NTNG1: variants seen among roughly 807,000 people sequenced by gnomAD.
NTNG1 encodes the protein netrin-G1.
In NTNG1, 16 loss-of-function variants were observed where a neutral mutation model predicts 54.0. The ratio of observed to expected loss-of-function variants is 0.30; its 90% confidence interval spans 0.20 to 0.45. NTNG1 has a LOEUF of 0.45. NTNG1 is among the 20% of genes least tolerant of loss of function. The probability of loss-of-function intolerance (pLI) is 1.00; values close to 1 mark genes in which losing one functional copy is unlikely to be tolerated. For synonymous variants in NTNG1, 255 were observed against 263.1 expected, an observed-to-expected ratio of 0.97 and a Z score of 0.30; for missense variants, 530 against 678.7, an observed-to-expected ratio of 0.78 and a Z score of 2.43.
At chr1:107,171,598 C>T (rs1317598665) in intron 2 of NTNG1, among the ~76,000 whole-genome samples, 1 of 152,182 alleles carries the variant, frequency 6.6e-6, no homozygotes, top group East Asian at 1.9e-4. Flanking sequence ...TAGAAGCTTC[C>T]AGACTGCCCT....
intron 2 of NTNG1, among the ~76,000 whole-genome samples, chr1:107,252,956 C>T (rs539945970): frequency 6.6e-6 from 1 of 152,294 alleles, no homozygotes; most frequent in South Asian, 2.1e-4. Flanking sequence ...ATCCTGTCAC[C>T]GTCTTTACTG....
At chr1:107,174,368 C>T (rs1465008252) in intron 2 of NTNG1, among the ~76,000 whole-genome samples, 3 of 152,166 alleles carry the variant, frequency 2.0e-5, no homozygotes, top group South Asian at 4.2e-4. Context: ...GAATGTTTGC[C>T]CTTTAGTTTA....
chr1:107,298,473 T>G (rs1002627882), intron 2 of NTNG1, among the ~76,000 whole-genome samples: 5 of 152,176 alleles, frequency 3.3e-5, no homozygotes, highest in African/African-American at 9.6e-5. Context: ...ATAGGTAACA[T>G]AGCAGAGAAT....
intron 5 of NTNG1, among the ~76,000 whole-genome samples, chr1:107,412,248 G>T (rs527304697): frequency 6.6e-6 from 1 of 152,194 alleles, no homozygotes; most frequent in Admixed American, 6.5e-5. Context: ...ATGAATTCCT[G>T]TACTGTGCCA....
At chr1:107,367,848 G>A (rs1316075506) in intron 3 of NTNG1, among the ~76,000 whole-genome samples, 2 of 151,814 alleles carry the variant, frequency 1.3e-5, no homozygotes, top group South Asian at 2.1e-4. Context: ...TGCAGCCTCC[G>A]CCTCCCTGGT....
Position 107,148,827 on chromosome 1 carries a change from G to A in NTNG1, c.234G>A (p.Thr78=), listed in dbSNP as rs769781518. The change falls in exon 2 of 8, where the codon ACG becomes ACA. Residue 78 remains threonine, a synonymous_variant. Transcript: ENST00000370068. The part of the protein sequence containing the change: ...PDITCGDPPE[T]FCAMGNPYMC... Reference sequence around the variant, plus strand: ...TTACCTGTGGAGACCCTCCTGAGACGTTCTGTGCAATGGTGAGGTAACCCT... The same window carrying A: ...TTACCTGTGGAGACCCTCCTGAGACATTCTGTGCAATGGTGAGGTAACCCT... The A allele has an allele frequency of 8.1e-6, 13 of 1,613,448 alleles. No homozygotes were observed. The South Asian group carries it at 1.1e-4, about 14-fold the overall frequency.
chr1:107,355,036 A>T (rs1250657009), intron 3 of NTNG1, among the ~76,000 whole-genome samples: 2 of 152,114 alleles, frequency 1.3e-5, no homozygotes, highest in Non-Finnish European at 2.9e-5. Context: ...CTCTACATGA[A>T]ACTCTTATCA....
At chr1:107,404,726 T>C (rs770763972) in intron 4 of NTNG1, among the ~76,000 whole-genome samples, 13 of 152,028 alleles carry the variant, frequency 8.6e-5, no homozygotes, top group Non-Finnish European at 1.5e-4. Flanking sequence ...AGTTGATAAA[T>C]TGATCATGGA....
intron 2 of NTNG1, among the ~76,000 whole-genome samples, chr1:107,225,735 G>A (rs1428858446): frequency 6.6e-6 from 1 of 152,124 alleles, no homozygotes; most frequent in African/African-American, 2.4e-5. Flanking sequence ...TTTATCCCTA[G>A]GAAGTTCTCA....
chr1:107,480,783 C>G lies in NTNG1; in HGVS notation c.1563C>G (p.Ser521=). 1 of 1,598,198 alleles carries G rather than the reference C, an allele frequency of 6.3e-7. No homozygotes were observed. The highest frequency in any genetic ancestry group is 8.5e-7 in the Non-Finnish European group (1 of 1,173,710). The change falls in exon 8 of 8, where the codon TCC becomes TCG. Residue 521 remains serine, a synonymous_variant. Transcript: ENST00000370068. ...GCCAGGGCGCGCCCCCGCACGGCTC[C>G]CCAGCGCTGCTGCTGCTGACCACGC... ...DSGQGAPPHG[S]PALLLLTTLL...
At chr1:107,183,610 C>T (rs772518036) in intron 2 of NTNG1, among the ~76,000 whole-genome samples, 34 of 152,006 alleles carry the variant, frequency 2.2e-4, no homozygotes, top group Non-Finnish European at 3.7e-4. Context: ...TGGAGGACAT[C>T]GAGCTTTTGT....
At chr1:107,307,365 A>G (rs1000137555) in intron 2 of NTNG1, among the ~76,000 whole-genome samples, 2 of 152,226 alleles carry the variant, frequency 1.3e-5, no homozygotes, top group Non-Finnish European at 2.9e-5. Flanking sequence ...AAGATCATAC[A>G]TAAGAATAGC....
chr1:107,357,518 T>C (rs1300598010), intron 3 of NTNG1, among the ~76,000 whole-genome samples: 3 of 152,228 alleles, frequency 2.0e-5, no homozygotes, highest in African/African-American at 7.2e-5. Flanking sequence ...AGACATTTCA[T>C]AGTTCCTTAA....
chr1:107,297,501 G>A (rs1315707607), intron 2 of NTNG1, among the ~76,000 whole-genome samples: 1 of 151,744 alleles, frequency 6.6e-6, no homozygotes. Flanking sequence ...TGATATTTAT[G>A]GGCACCCCAC....
At chr1:107,290,908 A>G (rs1231336651) in intron 2 of NTNG1, among the ~76,000 whole-genome samples, 12 of 149,592 alleles carry the variant, frequency 8.0e-5, no homozygotes, top group Admixed American at 7.4e-4. Flanking sequence ...AATGAATTAG[A>G]TTGTTTAAAT....
intron 2 of NTNG1, among the ~76,000 whole-genome samples, chr1:107,280,309 ACTAGATGT>A (rs1236938518): frequency 4.0e-5 from 6 of 150,578 alleles, no homozygotes; most frequent in African/African-American, 1.5e-4. Flanking sequence ...TTGCAACTCT[ACTAGATGT>A]TCTTTGGATG....
chr1:107,333,305 CAG>C (rs1404821154), intron 3 of NTNG1, among the ~76,000 whole-genome samples: 1 of 152,016 alleles, frequency 6.6e-6, no homozygotes, highest in Non-Finnish European at 1.5e-5. Context: ...TTACCATAAT[CAG>C]AGTCTCCTCA....
intron 3 of NTNG1, among the ~76,000 whole-genome samples, chr1:107,378,619 A>C (rs1671448759): frequency 6.6e-6 from 1 of 152,160 alleles, no homozygotes; most frequent in Admixed American, 6.5e-5. Context: ...CTGGGTATGG[A>C]GCCAATGTCA....
At chr1:107,278,181 A>G (rs1327947518) in intron 2 of NTNG1, among the ~76,000 whole-genome samples, 1 of 152,180 alleles carries the variant, frequency 6.6e-6, no homozygotes, top group East Asian at 1.9e-4. Context: ...TTCCTTGAAG[A>G]TACCTTGAAT....
Sources: allele counts gnomAD v4.1 joint callset (sites outside exome capture counted in the v4.1 genomes callset), GRCh38; gene constraint gnomAD v4.1.1; transcripts MANE v1.5; gene names NCBI Gene and HGNC (gene_info 2026-07-23, HGNC 2026-07-21).